The following CD59 variants were observed in gnomAD, a reference collection of about 807,000 sequenced individuals.
The protein encoded by CD59 is CD59 molecule (CD59 blood group).
A neutral mutation model predicts 7.0 loss-of-function variants in CD59; 3 were observed. The observed-to-expected ratio is 0.43, with a 90% CI of 0.19 to 1.10. The LOEUF is 1.10. Ranked by LOEUF, CD59 falls within the 50% of genes least tolerant of loss-of-function variation. The pLI is 0.29. For synonymous variants in CD59, 60 were observed against 62.0 expected (o/e 0.97, Z 0.15); for missense variants, 143 against 151.0 (o/e 0.95, Z 0.28).
At chr11:33,727,675 C>T (rs1854298611) in intron 1 of CD59, among the ~76,000 whole-genome samples, 1 of 152,104 alleles carries the variant, frequency 6.6e-6, no homozygotes, top group African/African-American at 2.4e-5. Context: ...CTGGCCAGGG[C>T]AATTAGGCAA....
chr11:33,707,102 C>G lies in CD59; in HGVS notation c.*3024G>C, dbSNP rs940560402. 4 of 152,234 alleles carry G rather than the reference C, an allele frequency of 2.6e-5. No individual in the cohort carries two copies. The highest frequency in any genetic ancestry group is 9.6e-5 in the African/African-American group (4 of 41,456). 9.4% of individuals were successfully genotyped at this position (152,234 alleles called of 1,614,324 possible). On this transcript the variant is annotated 3_prime_UTR_variant, in exon 4 of 4. Transcript: ENST00000642928. ...GAGCTTAGAATCCTGTACCAGAAAG[C>G]TGCCCTCATCACAATGAATGTCAGT...
intron 1 of CD59, among the ~76,000 whole-genome samples, chr11:33,729,043 C>G (rs1010211978): frequency 6.6e-6 from 1 of 151,938 alleles, no homozygotes; most frequent in Admixed American, 6.6e-5. Context: ...TGTGGAGAAA[C>G]AGGAATGCTT....
At chr11:33,717,807 A>G (rs753645806) in intron 2 of CD59, 6 of 346,374 alleles carry the variant, frequency 1.7e-5, no homozygotes, top group Non-Finnish European at 2.8e-5. Context: ...GAATTCTATA[A>G]GTGTCTTCCA....
intron 1 of CD59, among the ~76,000 whole-genome samples, chr11:33,730,793 T>C (rs1321223131): frequency 6.6e-6 from 1 of 152,154 alleles, no homozygotes; most frequent in Non-Finnish European, 1.5e-5. Flanking sequence ...GTGCCACAAG[T>C]GATGCTGGCC....
rs773870310 is a variant in CD59, at chr11:33,717,363, C to T, written c.169+7G>A. ...ACATTTAGGAGACAGACAGGGGAGG[C>T]TCTTACCAGCTTTGGTAATGAGACA... On this transcript the variant is annotated splice_region_variant and intron_variant, in intron 3 of 3. Coordinates refer to ENST00000642928, the MANE Select transcript of CD59 (RefSeq NM_000611.6). 1 of 1,584,568 alleles carries T rather than the reference C, an allele frequency of 6.3e-7. No homozygotes were observed. The highest frequency in any genetic ancestry group is 1.1e-5 in the South Asian group (1 of 90,364).
At chr11:33,717,643 AT>A (rs1185663383) in intron 2 of CD59, 172 bp from the exon 3 acceptor site, 4 of 631,480 alleles carry the variant, frequency 6.3e-6, no homozygotes, top group Non-Finnish European at 1.2e-5. Flanking sequence ...TTCCAGCAAC[AT>A]TTTTTGGACC....
rs956907618 is a variant in CD59 at position 33,710,163 on chromosome 11, G to A, written c.350C>T (p.Thr117Ile). ...GCTCCAGGCTGCTGCCAGAAATGGA[G>A]TCACCAGCAGAAGAACTGTTTTCTC... Reference protein sequence around the residue: ...LSEKTVLLLVTPFLAAAWSLH... With the variant: ...LSEKTVLLLVIPFLAAAWSLH... Residue 117 changes from threonine to isoleucine, a missense_variant, in exon 4 of 4, where the codon ACT (threonine) becomes ATT (isoleucine). Thr to Ile is a moderately conservative substitution (Grantham distance 89). Transcript: ENST00000642928. 1 of 1,613,862 alleles carries A rather than the reference G, an allele frequency of 6.2e-7. No homozygotes were observed. Among genetic ancestry groups the A allele is most frequent in the Non-Finnish European group, 8.5e-7 (1 of 1,179,908 alleles).
At chr11:33,715,218 T>A (rs1015641024) in intron 3 of CD59, among the ~76,000 whole-genome samples, 1 of 152,188 alleles carries the variant, frequency 6.6e-6, no homozygotes, top group African/African-American at 2.4e-5. Flanking sequence ...GTATTATATA[T>A]TGTGTTATAT....
In CD59 at chr11:33,703,340, GGTT is replaced by G. The variant is rs2133501602; in HGVS notation, c.*6783_*6785del. 1 of 152,230 alleles carries G rather than the reference GGTT, an allele frequency of 6.6e-6. No homozygotes were observed. Among genetic ancestry groups the G allele is most frequent in the South Asian group, 2.1e-4 (1 of 4,826 alleles). The allele number at this position is 152,230 out of a possible 1,614,324, so 9.4% of individuals were successfully genotyped here. A position where few individuals can be genotyped will look rare whatever the true frequency, so the allele number is the denominator to read the frequency against. Reference sequence around the variant, plus strand: ...CCACGAGGTTAAGGCAAAACCCTACGGTTGTTTCTGCAAACAAATGTCCAGGAA... The same window carrying G: ...CCACGAGGTTAAGGCAAAACCCTACGGTTTCTGCAAACAAATGTCCAGGAA... On this transcript the variant is annotated 3_prime_UTR_variant, in exon 4 of 4. Transcript: ENST00000642928.
At chr11:33,730,410 T>C (rs1318580316) in intron 1 of CD59, among the ~76,000 whole-genome samples, 2 of 152,008 alleles carry the variant, frequency 1.3e-5, no homozygotes, top group African/African-American at 4.8e-5. Flanking sequence ...TAAGACCCTG[T>C]CTCAAAAAAA....
chr11:33,717,154 C>T (rs1187600665), intron 3 of CD59, among the ~76,000 whole-genome samples: 1 of 152,208 alleles, frequency 6.6e-6, no homozygotes, highest in Non-Finnish European at 1.5e-5. Flanking sequence ...ACCTCCATTT[C>T]CACATTTATC....
chr11:33,722,056 G>C (rs776092846), intron 2 of CD59, among the ~76,000 whole-genome samples: 1 of 152,116 alleles, frequency 6.6e-6, no homozygotes, highest in Non-Finnish European at 1.5e-5. Context: ...AAAGGGACTT[G>C]CACAGCACTC....
intron 1 of CD59, among the ~76,000 whole-genome samples, chr11:33,732,196 C>CA (rs1435008726): frequency 6.6e-6 from 1 of 151,910 alleles, no homozygotes; most frequent in African/African-American, 2.4e-5. Flanking sequence ...TTATCAGCAG[C>CA]ATGAAAATGG....
intron 3 of CD59, among the ~76,000 whole-genome samples, chr11:33,715,118 C>A (rs1237583572): frequency 6.6e-6 from 1 of 151,730 alleles, no homozygotes; most frequent in African/African-American, 2.4e-5. Context: ...GGACTACATG[C>A]TAACATGATA....
At chr11:33,723,243 A>G (rs1198678976) in intron 1 of CD59, among the ~76,000 whole-genome samples, 1 of 152,082 alleles carries the variant, frequency 6.6e-6, no homozygotes, top group Non-Finnish European at 1.5e-5. Context: ...AAACCAGGGT[A>G]CTCCATATTC....
chr11:33,721,935 G>A (rs1854084360), intron 2 of CD59, among the ~76,000 whole-genome samples: 1 of 152,190 alleles, frequency 6.6e-6, no homozygotes, highest in Admixed American at 6.5e-5. Flanking sequence ...AAATGCTTCA[G>A]GGTTAGTTAG....
At chr11:33,720,038 A>T (rs1413315021) in intron 2 of CD59, among the ~76,000 whole-genome samples, 1 of 152,214 alleles carries the variant, frequency 6.6e-6, no homozygotes, top group Non-Finnish European at 1.5e-5. Flanking sequence ...TCCCGGGCTC[A>T]TTTGGCCTCT....
At chr11:33,722,331 T>G (rs763903837) in intron 2 of CD59, 48 bp downstream of exon 2, 4 of 1,401,032 alleles carry the variant, frequency 2.9e-6, no homozygotes, top group South Asian at 2.3e-5. Context: ...AGAAGGGAGT[T>G]CATGGCCAAG....
chr11:33,716,335 A>G (rs1456412991), intron 3 of CD59, among the ~76,000 whole-genome samples: 3 of 152,200 alleles, frequency 2.0e-5, no homozygotes, highest in African/African-American at 7.2e-5. Context: ...TTTTCTGAAC[A>G]TGTGGGTGTC....
Sources: allele counts gnomAD v4.1 joint callset (sites outside exome capture counted in the v4.1 genomes callset), GRCh38; gene constraint gnomAD v4.1.1; transcripts MANE v1.5; gene names NCBI Gene and HGNC (gene_info 2026-07-23, HGNC 2026-07-21).